DISC1: variants seen among roughly 807,000 people sequenced by gnomAD.
The protein encoded by DISC1 is disrupted in schizophrenia 1 protein.
DISC1 carries 57 observed loss-of-function variants against 84.5 expected under a neutral mutation model. The observed-to-expected ratio is 0.67, with a 90% CI of 0.55 to 0.84. The LOEUF (loss-of-function observed/expected upper bound fraction) is 0.84. DISC1 is among the 40% of genes least tolerant of loss of function. The pLI, the probability that DISC1 is intolerant of heterozygous loss-of-function variation, is 0.00. For synonymous variants in DISC1, 411 were observed against 415.2 expected (o/e 0.99, Z 0.12); for missense variants, 1,000 against 1,057.8 (o/e 0.95, Z 0.76).
chr1:231,984,192 C>T (rs1214346780), intron 10 of DISC1, among the ~76,000 whole-genome samples: 1 of 152,134 alleles, frequency 6.6e-6, no homozygotes, highest in Non-Finnish European at 1.5e-5. Flanking sequence ...TTAAATCAGC[C>T]ACCTCTATTT....
chr1:231,878,154 T>C (rs2125976267), intron 9 of DISC1, among the ~76,000 whole-genome samples: 1 of 152,318 alleles, frequency 6.6e-6, no homozygotes, highest in East Asian at 1.9e-4. Flanking sequence ...GTGCTGCAGA[T>C]ACAGTGATGA....
intron 9 of DISC1, among the ~76,000 whole-genome samples, chr1:231,857,228 C>T (rs566649877): frequency 6.6e-5 from 10 of 152,292 alleles, no homozygotes; most frequent in African/African-American, 2.4e-4. Flanking sequence ...AGGGGACCCT[C>T]CAGAACTACA....
Position 231,702,019 on chromosome 1 carries a change from A to G in DISC1, c.1112A>G (p.Asp371Gly). The G allele has an allele frequency of 6.2e-7, 1 of 1,605,196 alleles. No individual in the cohort carries two copies. Among genetic ancestry groups the G allele is most frequent in the Non-Finnish European group, 8.5e-7 (1 of 1,177,220 alleles). Residue 371 changes from aspartate (D) to glycine (G), a missense_variant, in exon 3 of 13, where the codon GAT becomes GGT. By Grantham distance (94) the Asp-to-Gly change is moderately conservative. This residue lies in a region of DISC1 where 311 missense variants were observed against 400.1 expected (regional missense o/e 0.78). Coordinates refer to ENST00000439617, the MANE Select transcript of DISC1 (RefSeq NM_018662.3). ...GATGCAGTTGAGAATGATGATTATG[A>G]TAAAGGTGAGTTTTAATTTGTTTAT... The part of the protein sequence containing the change: ...QEDAVENDDY[D>G]KAETLQQRLE...
At chr1:231,847,988 T>C (rs778491843) in intron 9 of DISC1, among the ~76,000 whole-genome samples, 4 of 152,186 alleles carry the variant, frequency 2.6e-5, no homozygotes, top group Non-Finnish European at 5.9e-5. Context: ...AGAATCTGGA[T>C]GTTCCTGAAG....
intron 9 of DISC1, among the ~76,000 whole-genome samples, chr1:231,820,010 G>A (rs1396220089): frequency 1.3e-5 from 2 of 152,162 alleles, no homozygotes; most frequent in Non-Finnish European, 2.9e-5. Flanking sequence ...TCACAATGAT[G>A]AATAAAACAT....
intron 9 of DISC1, among the ~76,000 whole-genome samples, chr1:231,877,111 A>C (rs1336709361): frequency 6.6e-6 from 1 of 152,192 alleles, no homozygotes; most frequent in Non-Finnish European, 1.5e-5. Context: ...AAAGAACTAA[A>C]AATTAGAAGG....
intron 2 of DISC1, among the ~76,000 whole-genome samples, chr1:231,697,050 C>T (rs1380360421): frequency 1.3e-5 from 2 of 152,214 alleles, no homozygotes; most frequent in Non-Finnish European, 2.9e-5. Context: ...GGAAGAACCT[C>T]TTGACAGTGG....
intron 11 of DISC1, among the ~76,000 whole-genome samples, chr1:232,021,335 C>T (rs1572660898): frequency 4.3e-5 from 1 of 23,040 alleles, no homozygotes; most frequent in Admixed American, 3.9e-4. Context: ...TTGTTCTATA[C>T]ACACACACAC....
At chr1:231,952,299 C>T (rs531835170) in intron 9 of DISC1, among the ~76,000 whole-genome samples, 87 of 152,122 alleles carry the variant, frequency 5.7e-4, no homozygotes, top group African/African-American at 2.0e-3. Context: ...GAATTAACAA[C>T]AACATACTGA....
intron 8 of DISC1, among the ~76,000 whole-genome samples, chr1:231,808,364 T>TA (rs1277906961): frequency 6.6e-6 from 1 of 152,186 alleles, no homozygotes; most frequent in Non-Finnish European, 1.5e-5. Flanking sequence ...GCCCACCGTG[T>TA]ACCATGGCTA....
intron 6 of DISC1, among the ~76,000 whole-genome samples, chr1:231,784,815 A>G (rs951380174): frequency 6.6e-6 from 1 of 152,234 alleles, no homozygotes; most frequent in Non-Finnish European, 1.5e-5. Flanking sequence ...GATGGCAAGC[A>G]GAGGCCCTGG....
intron 9 of DISC1, chr1:231,818,830 GT>G (rs2081281458): frequency 9.5e-6 from 11 of 1,153,938 alleles, no homozygotes; most frequent in Non-Finnish European, 1.2e-5. Flanking sequence ...TTTTCTTTGT[GT>G]GACAATTATC....
chr1:231,923,892 A>G (rs1259966662), intron 9 of DISC1, among the ~76,000 whole-genome samples: 1 of 152,212 alleles, frequency 6.6e-6, no homozygotes, highest in Admixed American at 6.5e-5. Flanking sequence ...TTTGGGCCAG[A>G]GAATTGTTTC....
intron 3 of DISC1, among the ~76,000 whole-genome samples, chr1:231,741,918 A>G (rs1045883691): frequency 4.6e-5 from 7 of 152,110 alleles, no homozygotes; most frequent in African/African-American, 1.7e-4. Context: ...GGGAACATCA[A>G]TGACCCTGTG....
chr1:231,660,209 T>C lies in DISC1; in HGVS notation c.67+33275T>C, dbSNP rs185703071. Among the ~76,000 whole-genome samples the C allele has an allele frequency of 3.3e-4, 51 of 152,310 alleles. 1 individual carries two copies. The East Asian group carries it at 9.6e-3, about 29-fold the overall frequency. On this transcript the variant is annotated intron_variant, in intron 1 of 12. Transcript: ENST00000439617. ...ATAGTTAGCTCTTGTTGAATTGAAC[T>C]CTTTACCATTATTAATGCCCTTCTT...
chr1:231,822,881 C>G (rs2081599806), intron 9 of DISC1, among the ~76,000 whole-genome samples: 1 of 152,144 alleles, frequency 6.6e-6, no homozygotes, highest in South Asian at 2.1e-4. Context: ...ATGACACACT[C>G]TTTTTAACAA....
At chr1:231,862,286 T>G (rs148987634) in intron 9 of DISC1, among the ~76,000 whole-genome samples, 1 of 152,214 alleles carries the variant, frequency 6.6e-6, no homozygotes. Flanking sequence ...AGAGACGGAA[T>G]GCTGCCTCTG....
intron 9 of DISC1, among the ~76,000 whole-genome samples, chr1:231,938,255 G>C (rs978567455): frequency 6.6e-6 from 1 of 152,186 alleles, no homozygotes; most frequent in East Asian, 1.9e-4. Flanking sequence ...GGTTTATCCA[G>C]ATGGGCCCAA....
intron 1 of DISC1, among the ~76,000 whole-genome samples, chr1:231,657,915 T>C (rs545250783): frequency 6.6e-6 from 1 of 152,330 alleles, no homozygotes; most frequent in South Asian, 2.1e-4. Flanking sequence ...TGGGTAGCCA[T>C]GATGCCTCCA....
Sources: gnomAD v4.1 joint callset for allele counts (sites outside exome capture counted in the v4.1 genomes callset) on GRCh38, gnomAD v4.1.1 for gene constraint, gnomAD v4.1.1 regional missense constraint, MANE v1.5 for transcripts, NCBI Gene and HGNC (gene_info 2026-07-23, HGNC 2026-07-21) for gene names.